NFASC: variants seen among roughly 807,000 people sequenced by gnomAD.
NFASC encodes neurofascin.
NFASC carries 43 observed loss-of-function variants against 147.5 expected under a neutral mutation model. The observed-to-expected ratio is 0.29, with a 90% CI of 0.23 to 0.38. NFASC has a LOEUF of 0.38. Ranked by LOEUF, NFASC falls within the 10% of genes least tolerant of loss-of-function variation. The pLI, the probability that NFASC is intolerant of heterozygous loss-of-function variation, is 1.00. For synonymous variants in NFASC, 622 were observed against 665.5 expected (o/e 0.93, Z 1.01); for missense variants, 1,320 against 1,689.0 (o/e 0.78, Z 3.83).
intron 2 of NFASC, among the ~76,000 whole-genome samples, chr1:204,926,235 A>C (rs867558677): frequency 6.6e-5 from 10 of 151,494 alleles, no homozygotes; most frequent in Middle Eastern, 3.5e-3. Context: ...GCAATCACTT[A>C]CTTGGTTTTA....
chr1:204,944,504 A>G, intron 3 of NFASC, 98 bp downstream of exon 3: 2 of 927,184 alleles, frequency 2.2e-6, no homozygotes, highest in South Asian at 3.6e-5. Flanking sequence ...TAATCCAAGG[A>G]GATTGAGGAG....
intron 1 of NFASC, among the ~76,000 whole-genome samples, chr1:204,873,001 C>G (rs891199064): frequency 1.3e-5 from 2 of 152,184 alleles, no homozygotes; most frequent in African/African-American, 2.4e-5. Flanking sequence ...TTTAGAGCCC[C>G]TATGCTTGGA....
intron 2 of NFASC, 117 bp from the exon 3 acceptor site, chr1:204,944,109 T>C (rs1013520205): frequency 2.3e-6 from 2 of 868,868 alleles, no homozygotes; most frequent in Admixed American, 2.6e-5. Flanking sequence ...CTCTGCTCTA[T>C]CTAGAACATT....
intron 7 of NFASC, 115 bp from the exon 8 acceptor site, chr1:204,957,541 G>T: frequency 1.1e-6 from 1 of 876,676 alleles, no homozygotes; most frequent in South Asian, 1.6e-5. Context: ...ACCAAGTAAT[G>T]TCAAGCTCCT....
In NFASC at chr1:204,867,927, G is replaced by A. The variant is rs146836433; in HGVS notation, c.-200+39145G>A. On this transcript the variant is annotated intron_variant, in intron 1 of 29. Transcript: ENST00000339876. ...GGCTTCCAGCCCTGGGTCATCCTGG[G>A]GTCTCAGCCCTGGACAGGCCCTCGA... Among the ~76,000 whole-genome samples the A allele has an allele frequency of 2.6e-5, 4 of 152,310 alleles. No individual in the cohort carries two copies. In the East Asian group the frequency reaches 7.7e-4, roughly 29 times the overall value.
intron 1 of NFASC, among the ~76,000 whole-genome samples, chr1:204,903,924 A>T (rs1477460144): frequency 6.6e-6 from 1 of 152,072 alleles, no homozygotes; most frequent in African/African-American, 2.4e-5. Context: ...GTGTTTGTTG[A>T]AATTTTGCTA....
At chr1:204,921,512 G>A (rs74959341) in intron 2 of NFASC, among the ~76,000 whole-genome samples, 2,030 of 152,186 alleles carry the variant, frequency 0.013, 60 homozygotes, top group African/African-American at 0.046. Context: ...TCACTCTCTT[G>A]TTGTCTTTTT....
At chr1:204,857,542 C>T (rs1367421488) in intron 1 of NFASC, among the ~76,000 whole-genome samples, 1 of 152,242 alleles carries the variant, frequency 6.6e-6, no homozygotes, top group African/African-American at 2.4e-5. Context: ...TGCCCTCTGT[C>T]TCCCCTGTCG....
chr1:204,832,473 G>C (rs1433779845), intron 1 of NFASC, among the ~76,000 whole-genome samples: 1 of 152,188 alleles, frequency 6.6e-6, no homozygotes, highest in Non-Finnish European at 1.5e-5. Context: ...TCAGAGTCAG[G>C]TGGGAGTCAT....
chr1:204,979,655 C>A lies in NFASC; in HGVS notation c.2176+96C>A. 8.6e-7 allele frequency: 1 copy of A among 1,160,254 alleles called. No homozygotes were observed. The highest frequency in any genetic ancestry group is 1.3e-6 in the Non-Finnish European group (1 of 772,700). 71.9% of individuals were successfully genotyped at this position (1,160,254 alleles called of 1,614,324 possible). ...TTCCCAGCCATGTGAACTTAGGTTA[C>A]TTAACTTCTCCAAGGCCCGGCCTCA... On this transcript the variant is annotated intron_variant, in intron 19 of 29. Transcript: ENST00000339876. This position sits in a 1 kb window ranked among gnomAD's most constrained non-coding sequence, Gnocchi z 6.0.
chr1:204,890,667 C>T lies in NFASC; in HGVS notation c.-199-29965C>T, dbSNP rs181331364. Among the ~76,000 whole-genome samples, 117 of 151,890 alleles carry T rather than the reference C, an allele frequency of 7.7e-4. 1 individual carries two copies. The highest frequency in any genetic ancestry group is 5.0e-3 in the South Asian group (24 of 4,802). On this transcript the variant is annotated intron_variant, in intron 1 of 29. Coordinates refer to ENST00000339876, the MANE Select transcript of NFASC (RefSeq NM_001005388.3). ...TCACTGCAACCTCTGCCTCCCAGGT[C>T]CCAGCTATTCTCCTGCCTCAGCCTC...
chr1:205,002,708 G>A lies in NFASC; in HGVS notation c.3249G>A (p.Glu1083=), dbSNP rs1382553996. The change falls in exon 27 of 30, where the codon GAG becomes GAA. Residue 1083 remains glutamate (E), a synonymous_variant. Transcript: ENST00000339876. ...TGCGGGTTTATTCCCGGGACAACGAGGGCATCAGCAGTACCGTCATCACCT... is the reference window on the plus strand; with the variant it reads ...TGCGGGTTTATTCCCGGGACAACGAAGGCATCAGCAGTACCGTCATCACCT... The part of the protein sequence containing the change: ...YTLRVYSRDN[E]GISSTVITFM... 1.3e-6 allele frequency: 2 copies of A among 1,574,194 alleles called. No individual in the cohort carries two copies. Among genetic ancestry groups the A allele is most frequent in the African/African-American group, 1.3e-5 (1 of 74,206 alleles).
Position 205,015,467 on chromosome 1 carries a change from G to A in NFASC, c.3492-841G>A, listed in dbSNP as rs7518798. On this transcript the variant is annotated intron_variant, in intron 29 of 29. Coordinates refer to ENST00000339876, the MANE Select transcript of NFASC (RefSeq NM_001005388.3). This position sits in a 1 kb window ranked among gnomAD's most constrained non-coding sequence, Gnocchi z 4.0. ...ACGCTGGCTCAGAGAGCAGCCCCGC[G>A]CCTCCTCAGGAGCACAGCAGACATC... Among the ~76,000 whole-genome samples, 3 of 152,166 alleles carry A rather than the reference G, an allele frequency of 2.0e-5. No homozygotes were observed. Among genetic ancestry groups the A allele is most frequent in the Non-Finnish European group, 2.9e-5 (2 of 68,034 alleles).
In NFASC at chr1:204,974,273, C is replaced by T. The variant is rs1156450368; in HGVS notation, c.1374C>T (p.Pro458=). The change falls in exon 13 of 30, where the codon CCC becomes CCT. Residue 458 remains proline (P), a synonymous_variant. Coordinates refer to ENST00000339876, the MANE Select transcript of NFASC (RefSeq NM_001005388.3). Reference sequence around the variant, plus strand: ...TGGACTGCCCTTTCTTTGGGTCTCCCATCCCCACACTGCGATGGTAAGTTC... The same window carrying T: ...TGGACTGCCCTTTCTTTGGGTCTCCTATCCCCACACTGCGATGGTAAGTTC... ...TRLDCPFFGS[P]IPTLRWFKNG... The T allele has an allele frequency of 1.2e-6, 2 of 1,613,524 alleles. No homozygotes were observed. The highest frequency in any genetic ancestry group is 1.7e-6 in the Non-Finnish European group (2 of 1,179,612).
At chr1:204,970,504 C>A in intron 10 of NFASC, 112 bp from the exon 11 acceptor site, 1 of 1,244,904 alleles carries the variant, frequency 8.0e-7, no homozygotes, top group Non-Finnish European at 1.1e-6. Flanking sequence ...AGGTGGTGAG[C>A]ACGTGGTGCT....
intron 1 of NFASC, among the ~76,000 whole-genome samples, chr1:204,880,400 G>A (rs2079941694): frequency 1.3e-5 from 2 of 152,144 alleles, no homozygotes; most frequent in South Asian, 4.2e-4. Context: ...CTGTTGCCCA[G>A]GCTGGAGTGC....
At chr1:204,892,855 G>A (rs1227357177) in intron 1 of NFASC, among the ~76,000 whole-genome samples, 1 of 152,140 alleles carries the variant, frequency 6.6e-6, no homozygotes, top group Non-Finnish European at 1.5e-5. Flanking sequence ...CAGTTACTGG[G>A]TTGTGCTAAA....
intron 27 of NFASC, among the ~76,000 whole-genome samples, chr1:205,006,408 G>A (rs1169162427): frequency 2.0e-5 from 3 of 152,338 alleles, no homozygotes; most frequent in South Asian, 2.1e-4. Flanking sequence ...GGGTGAAATC[G>A]GAGTTTGGAG....
At position 204,975,692 on chromosome 1, in the gene NFASC, C is replaced by G. The variant is rs1370489344; in HGVS notation, c.1706+274C>G. Among the ~76,000 whole-genome samples, 1 of 152,118 alleles carries G rather than the reference C, an allele frequency of 6.6e-6. No individual in the cohort carries two copies. The highest frequency in any genetic ancestry group is 1.5e-5 in the Non-Finnish European group (1 of 68,026). The stretch of plus-strand genomic sequence containing the variant: ...CCCTCTTCTCAATCTCTTCACTTCT[C>G]CTCTCCCTGTCTCCCCTCACTTCGC... On this transcript the variant is annotated intron_variant, in intron 15 of 29. Transcript: ENST00000339876. This position sits in a 1 kb window ranked among gnomAD's most constrained non-coding sequence, Gnocchi z 4.0.
Sources: gnomAD v4.1 joint callset for allele counts (sites outside exome capture counted in the v4.1 genomes callset) on GRCh38, gnomAD v4.1.1 for gene constraint, Gnocchi (gnomAD v3.1) non-coding constraint, MANE v1.5 for transcripts, NCBI Gene and HGNC (gene_info 2026-07-23, HGNC 2026-07-21) for gene names.